KCNK10: variants seen among roughly 807,000 people sequenced by gnomAD.
KCNK10 encodes potassium channel subfamily K member 10.
In KCNK10, 25 loss-of-function variants were observed where a neutral mutation model predicts 47.7. The ratio of observed to expected loss-of-function variants is 0.52; its 90% CI spans 0.38 to 0.73. The LOEUF (loss-of-function observed/expected upper bound fraction) is 0.73, where lower values mean the gene tolerates loss of function less well. KCNK10 is among the 30% of genes least tolerant of loss of function. The pLI, the probability that KCNK10 is intolerant of heterozygous loss-of-function variation, is 0.00. For missense variants in KCNK10, 563 were observed against 714.5 expected (o/e 0.79, Z 2.42); for synonymous variants, 303 against 285.6 (o/e 1.06, Z -0.61).
At chr14:88,201,715 A>G (rs1885108152) in intron 4 of KCNK10, among the ~76,000 whole-genome samples, 1 of 152,222 alleles carries the variant, frequency 6.6e-6, no homozygotes, top group African/African-American at 2.4e-5. Flanking sequence ...ATTGCTGAAC[A>G]TGCATAATAA....
chr14:88,296,670 C>T (rs996391698), intron 1 of KCNK10, among the ~76,000 whole-genome samples: 2 of 152,158 alleles, frequency 1.3e-5, no homozygotes, highest in African/African-American at 4.8e-5. Context: ...CTCCATTCTG[C>T]TATTATTGTC....
chr14:88,315,794 T>G (rs1273801255), intron 1 of KCNK10, among the ~76,000 whole-genome samples: 1 of 152,014 alleles, frequency 6.6e-6, no homozygotes, highest in African/African-American at 2.4e-5. Context: ...CCCACCACAC[T>G]GGGTAGTTGA....
At chr14:88,267,678 G>C (rs1887299421) in intron 1 of KCNK10, among the ~76,000 whole-genome samples, 1 of 152,116 alleles carries the variant, frequency 6.6e-6, no homozygotes, top group African/African-American at 2.4e-5. Flanking sequence ...AGCCAAGTTG[G>C]ATAAATTTTT....
intron 1 of KCNK10, among the ~76,000 whole-genome samples, chr14:88,276,202 G>A (rs1404384649): frequency 2.0e-5 from 3 of 148,002 alleles, no homozygotes; most frequent in Non-Finnish European, 4.4e-5. Flanking sequence ...GGGGCTTTGG[G>A]GGGTGATTAG....
intron 2 of KCNK10, among the ~76,000 whole-genome samples, chr14:88,253,633 C>T (rs1012874434): frequency 1.3e-5 from 2 of 152,182 alleles, no homozygotes; most frequent in Non-Finnish European, 2.9e-5. Context: ...GGCACAGTGG[C>T]TCACACCTGT....
rs889962250 is a variant in KCNK10 at position 88,205,894 on chromosome 14, A to T, written c.682-13484T>A. On this transcript the variant is annotated intron_variant, in intron 4 of 6. Coordinates refer to ENST00000319231, the MANE Select transcript of KCNK10 (RefSeq NM_138317.3). ...CTCTATTTTAGCACCTCAAGAAAAT[A>T]TGAGAGTACTGTTTAAAGCAAATAT... Among the ~76,000 whole-genome samples, 5 of 152,312 alleles carry T rather than the reference A, an allele frequency of 3.3e-5. No homozygotes were observed. The East Asian group carries it at 9.7e-4, about 29-fold the overall frequency.
chr14:88,313,332 A>G (rs1279341798), intron 1 of KCNK10, among the ~76,000 whole-genome samples: 1 of 152,166 alleles, frequency 6.6e-6, no homozygotes, highest in Non-Finnish European at 1.5e-5. Context: ...CTCCCTTCCA[A>G]CGTGAATGTG....
chr14:88,237,510 G>T (rs933532932), intron 3 of KCNK10, among the ~76,000 whole-genome samples: 2 of 152,158 alleles, frequency 1.3e-5, no homozygotes, highest in African/African-American at 4.8e-5. Flanking sequence ...ATTATGTATG[G>T]CAGCTACAGC....
At chr14:88,188,933 G>A (rs1327598156) in intron 5 of KCNK10, among the ~76,000 whole-genome samples, 1 of 152,158 alleles carries the variant, frequency 6.6e-6, no homozygotes, top group East Asian at 1.9e-4. Flanking sequence ...CAGGTTGCAA[G>A]CCCAACCCAC....
chr14:88,276,571 G>A (rs1566712106), intron 1 of KCNK10, among the ~76,000 whole-genome samples: 2 of 152,116 alleles, frequency 1.3e-5, no homozygotes, highest in Non-Finnish European at 2.9e-5. Context: ...CCCTCCCTGT[G>A]TTCTCTTTCT....
At chr14:88,326,173 A>C, upstream of KCNK10, among the ~76,000 whole-genome samples, 1 of 124,556 alleles carries the variant, frequency 8.0e-6, no homozygotes, top group East Asian at 2.1e-4. Flanking sequence ...GACAAAAGCA[A>C]GTTACCCGCC....
chr14:88,194,673 A>G (rs771013522), intron 4 of KCNK10, among the ~76,000 whole-genome samples: 1 of 152,216 alleles, frequency 6.6e-6, no homozygotes, highest in Admixed American at 6.5e-5. Flanking sequence ...TTGACGGCAG[A>G]CAAGGAGGTG....
Position 88,188,035 on chromosome 14 carries a change from A to G in KCNK10, c.943T>C (p.Tyr315His). The G allele has an allele frequency of 6.2e-7, 1 of 1,614,200 alleles. No homozygotes were observed. Among genetic ancestry groups the G allele is most frequent in the Non-Finnish European group, 8.5e-7 (1 of 1,180,024 alleles). The change falls in exon 6 of 7, where the codon TAC becomes CAC. Residue 315 changes from tyrosine (Y) to histidine (H), a missense_variant. Transcript: ENST00000319231. ...ATCATACTGAGGACAGCTGCAAAGT[A>G]GGCAAGGCCAACAAGGATCCAAAAC... Reference protein sequence around the residue: ...VWFWILVGLAYFAAVLSMIGD... With the variant: ...VWFWILVGLAHFAAVLSMIGD...
rs143196405 is a variant in KCNK10, at chr14:88,236,243, G to A, written c.520+4460C>T. Among the ~76,000 whole-genome samples the A allele has an allele frequency of 1.2e-3, 182 of 152,080 alleles. 2 individuals are homozygous for A. The highest frequency in any genetic ancestry group is 4.0e-3 in the African/African-American group (164 of 41,486). On this transcript the variant is annotated intron_variant, in intron 3 of 6. Coordinates refer to ENST00000319231, the MANE Select transcript of KCNK10 (RefSeq NM_138317.3). ...GAAGCCAAAAGATCACTTGGGCCCAGGAGTTGGAGACTGCAGTGAGCTATG... is the reference window on the plus strand; with the variant it reads ...GAAGCCAAAAGATCACTTGGGCCCAAGAGTTGGAGACTGCAGTGAGCTATG...
At chr14:88,309,844 A>G (rs2139798001) in intron 1 of KCNK10, among the ~76,000 whole-genome samples, 1 of 149,668 alleles carries the variant, frequency 6.7e-6, no homozygotes, top group South Asian at 2.1e-4. Flanking sequence ...TGAGTTTAAC[A>G]TGAGCAGAGC....
chr14:88,213,539 T>C (rs1885526056), intron 4 of KCNK10, among the ~76,000 whole-genome samples: 1 of 152,204 alleles, frequency 6.6e-6, no homozygotes, highest in Non-Finnish European at 1.5e-5. Context: ...CAGTTTACCA[T>C]GTTGTAGACC....
chr14:88,189,010 G>A (rs910281315), intron 5 of KCNK10, among the ~76,000 whole-genome samples: 1 of 152,304 alleles, frequency 6.6e-6, no homozygotes, highest in African/African-American at 2.4e-5. Context: ...TCTGGGAAAC[G>A]CTATTGCCTA....
chr14:88,310,747 T>C (rs1422769808), intron 1 of KCNK10, among the ~76,000 whole-genome samples: 1 of 152,062 alleles, frequency 6.6e-6, no homozygotes, highest in African/African-American at 2.4e-5. Context: ...GGGGGTCCCA[T>C]TAGAGTCAAA....
intron 1 of KCNK10, among the ~76,000 whole-genome samples, chr14:88,268,514 C>A (rs1197961154): frequency 1.3e-5 from 2 of 152,184 alleles, no homozygotes; most frequent in Non-Finnish European, 2.9e-5. Context: ...AGGGAATCAT[C>A]TGACTTCAAA....
Sources: gnomAD v4.1 joint callset for allele counts (sites outside exome capture counted in the v4.1 genomes callset) on GRCh38, gnomAD v4.1.1 for gene constraint, MANE v1.5 for transcripts, NCBI Gene and HGNC (gene_info 2026-07-23, HGNC 2026-07-21) for gene names.